The following C8A variants were observed in gnomAD, a reference collection of about 807,000 sequenced individuals.
C8A encodes the protein complement component C8 alpha chain.
In C8A, 67 loss-of-function variants were observed where a neutral mutation model predicts 65.3. That is an observed-to-expected ratio of 1.03 (90% CI 0.84 to 1.26). The LOEUF (loss-of-function observed/expected upper bound fraction) is 1.26. C8A is among the 50% of genes most tolerant of loss of function. The pLI is 0.00. For synonymous variants in C8A, 290 were observed against 259.4 expected, an observed-to-expected ratio of 1.12 and a Z score of -1.13; for missense variants, 781 against 723.9, an observed-to-expected ratio of 1.08 and a Z score of -0.90.
intron 2 of C8A, among the ~76,000 whole-genome samples, chr1:56,873,012 C>A (rs975289545): frequency 2.0e-5 from 3 of 152,126 alleles, no homozygotes; most frequent in African/African-American, 7.2e-5. Context: ...CTGATGTTCT[C>A]CAACTGGTCA....
intron 7 of C8A, among the ~76,000 whole-genome samples, chr1:56,898,859 G>T (rs976875497): frequency 3.3e-5 from 5 of 152,158 alleles, no homozygotes; most frequent in Non-Finnish European, 7.4e-5. Context: ...GTCAGGGGTG[G>T]TATCCTAAAG....
intron 1 of C8A, among the ~76,000 whole-genome samples, chr1:56,858,936 A>G (rs1025766036): frequency 6.6e-6 from 1 of 152,238 alleles, no homozygotes; most frequent in Admixed American, 6.5e-5. Context: ...CATCTATGAA[A>G]TGGAGATAAT....
chr1:56,881,753 C>A, intron 5 of C8A, 119 bp downstream of exon 5: 2 of 937,130 alleles, frequency 2.1e-6, no homozygotes, highest in Non-Finnish European at 3.4e-6. Context: ...TTGCTGGTGT[C>A]TGAAGTCTCC....
chr1:56,885,491 C>T (rs1325944762), intron 6 of C8A, among the ~76,000 whole-genome samples: 7 of 104,920 alleles, frequency 6.7e-5, no homozygotes, highest in African/African-American at 1.4e-4. Flanking sequence ...TATATATTTA[C>T]GTAAATACAT....
Position 56,912,537 on chromosome 1 carries a change from TGG to T in C8A, c.1518_1519del (p.Val507AlafsTer16). The T allele has an allele frequency of 6.2e-7, 1 of 1,614,192 alleles. No homozygotes were observed. Among genetic ancestry groups the T allele is most frequent in the Non-Finnish European group, 8.5e-7 (1 of 1,180,030 alleles). Reference protein sequence around the residue: ...ACRCGPCFNNGVPILEGTSCR... With the variant: ...ACRCGPCFNNXVPILEGTSCR... Reference sequence around the variant, plus strand: ...GCCGATGTGGGCCTTGCTTCAACAATGGGGTGCCCATCCTCGAGGGCACCAGC... The same window carrying T: ...GCCGATGTGGGCCTTGCTTCAACAATGGTGCCCATCCTCGAGGGCACCAGC... On this transcript the variant is annotated frameshift_variant, in exon 10 of 11. Transcript: ENST00000361249. LOFTEE classifies it high-confidence loss of function.
intron 8 of C8A, among the ~76,000 whole-genome samples, chr1:56,907,137 T>C (rs928733756): frequency 6.6e-6 from 1 of 152,166 alleles, no homozygotes; most frequent in Non-Finnish European, 1.5e-5. Flanking sequence ...AATAAGGCTG[T>C]TGAGAGAGAA....
chr1:56,893,112 T>A (rs1192397578), intron 7 of C8A, among the ~76,000 whole-genome samples: 3 of 152,102 alleles, frequency 2.0e-5, no homozygotes, highest in Non-Finnish European at 2.9e-5. Flanking sequence ...TCTTTTTTTT[T>A]AATCTAGGCT....
chr1:56,909,768 C>G (rs955181988), intron 9 of C8A, among the ~76,000 whole-genome samples: 6 of 152,168 alleles, frequency 3.9e-5, no homozygotes, highest in African/African-American at 1.4e-4. Flanking sequence ...CTCACTGAGC[C>G]TCAGTTTCCT....
intron 1 of C8A, among the ~76,000 whole-genome samples, chr1:56,855,401 T>C (rs1021051552): frequency 6.6e-6 from 1 of 152,160 alleles, no homozygotes; most frequent in African/African-American, 2.4e-5. Flanking sequence ...TACTTTCTTA[T>C]CTGTAAAAGA....
chr1:56,865,345 T>G (rs1473912177), intron 1 of C8A, among the ~76,000 whole-genome samples: 2 of 152,214 alleles, frequency 1.3e-5, no homozygotes, highest in Non-Finnish European at 2.9e-5. Flanking sequence ...ACTGGCAGAT[T>G]CAGTGTCTGG....
rs536481891 is a variant in C8A at position 56,887,982 on chromosome 1, G to A, written c.1096+1815G>A. On this transcript the variant is annotated intron_variant, in intron 7 of 10. Transcript: ENST00000361249. ...AGAATATCACACACCAGGGCCTGTC[G>A]GGGATGGGGGGCTAGGGGAGGGATA... Among the ~76,000 whole-genome samples, 94 of 152,200 alleles carry A rather than the reference G, an allele frequency of 6.2e-4. 3 individuals are homozygous for A. The South Asian group carries it at 0.017, about 28-fold the overall frequency.
chr1:56,861,219 A>G (rs1173329609), intron 1 of C8A, among the ~76,000 whole-genome samples: 1 of 152,218 alleles, frequency 6.6e-6, no homozygotes, highest in African/African-American at 2.4e-5. Context: ...GCTTGCTCTC[A>G]GCTCTCATGA....
At chr1:56,884,710 G>A (rs1010581445) in intron 6 of C8A, among the ~76,000 whole-genome samples, 1 of 152,028 alleles carries the variant, frequency 6.6e-6, no homozygotes, top group African/African-American at 2.4e-5. Flanking sequence ...GCCCATAGAT[G>A]GCCATCTTCC....
chr1:56,908,794 C>G (rs1469366718), intron 9 of C8A, among the ~76,000 whole-genome samples: 1 of 152,194 alleles, frequency 6.6e-6, no homozygotes. Context: ...TCAGAGGTGG[C>G]AATGCTTGGA....
chr1:56,907,665 A>C (rs968716197), intron 8 of C8A, among the ~76,000 whole-genome samples: 3 of 151,954 alleles, frequency 2.0e-5, no homozygotes, highest in African/African-American at 7.2e-5. Context: ...TGTAAGAATG[A>C]ATGAGTGAAT....
At chr1:56,879,609 A>G (rs968247670) in intron 4 of C8A, among the ~76,000 whole-genome samples, 9 of 152,218 alleles carry the variant, frequency 5.9e-5, no homozygotes, top group African/African-American at 1.9e-4. Context: ...AACAAAATCT[A>G]GGAAAAAATC....
chr1:56,872,760 A>G (rs941311835), intron 2 of C8A, among the ~76,000 whole-genome samples: 1 of 152,176 alleles, frequency 6.6e-6, no homozygotes, highest in African/African-American at 2.4e-5. Flanking sequence ...ATGTAAGGAA[A>G]TTATAGAAAT....
chr1:56,885,188 C>A (rs1041178404), intron 6 of C8A, among the ~76,000 whole-genome samples: 1 of 150,812 alleles, frequency 6.6e-6, no homozygotes, highest in African/African-American at 2.4e-5. Context: ...GGAAGTCTGG[C>A]ACACATTGGT....
chr1:56,909,875 T>C (rs1056885205), intron 9 of C8A, among the ~76,000 whole-genome samples: 1 of 152,202 alleles, frequency 6.6e-6, no homozygotes, highest in Non-Finnish European at 1.5e-5. Context: ...TATCTCGAAA[T>C]TGGCAAATGA....
Sources: allele counts gnomAD v4.1 joint callset (sites outside exome capture counted in the v4.1 genomes callset), GRCh38; gene constraint gnomAD v4.1.1; transcripts MANE v1.5; gene names NCBI Gene and HGNC (gene_info 2026-07-23, HGNC 2026-07-21).